DOCK6: variants seen among roughly 807,000 people sequenced by gnomAD.
DOCK6 encodes dedicator of cytokinesis 6.
In DOCK6, 167 loss-of-function variants were observed where a neutral mutation model predicts 230.3. The ratio of observed to expected loss-of-function variants is 0.73; its 90% CI spans 0.64 to 0.82. The LOEUF (loss-of-function observed/expected upper bound fraction) is 0.82, where lower values mean the gene tolerates loss of function less well. Among genes scored for constraint, DOCK6 ranks in the 40% least tolerant of loss-of-function variants. The probability of loss-of-function intolerance (pLI) is 0.00; values close to 1 mark genes in which losing one functional copy is unlikely to be tolerated. For missense variants in DOCK6, 2,598 were observed against 2,825.8 expected (o/e 0.92, Z 1.83); for synonymous variants, 1,148 against 1,185.0 (o/e 0.97, Z 0.64).
At chr19:11,224,632 T>G (rs1199552947) in intron 24 of DOCK6, among the ~76,000 whole-genome samples, 2 of 152,208 alleles carry the variant, frequency 1.3e-5, no homozygotes, top group Non-Finnish European at 2.9e-5. Flanking sequence ...GCAAAGGCCC[T>G]GAGGCAGGAT....
At chr19:11,251,204 G>T in intron 5 of DOCK6, 118 bp from the exon 6 acceptor site, 2 of 1,055,514 alleles carry the variant, frequency 1.9e-6, no homozygotes, top group Non-Finnish European at 2.8e-6. Flanking sequence ...AGGGGGTGAG[G>T]GTCATCACTC....
chr19:11,233,171 G>C (rs767463308), intron 22 of DOCK6, 32 bp downstream of exon 22: 1 of 1,606,866 alleles, frequency 6.2e-7, no homozygotes, highest in Non-Finnish European at 8.5e-7. Flanking sequence ...CAACCACTGA[G>C]GCTGGAGATT....
Position 11,236,685 on chromosome 19 carries a change from T to C in DOCK6, c.2160+108A>G, listed in dbSNP as rs2079853514. 1 of 1,512,100 alleles carries C rather than the reference T, an allele frequency of 6.6e-7. No individual in the cohort carries two copies. Among genetic ancestry groups the C allele is most frequent in the African/African-American group, 1.4e-5 (1 of 72,036 alleles). The allele number at this position is 1,512,100 out of a possible 1,614,324, so 93.7% of individuals were successfully genotyped here. A position where few individuals can be genotyped will look rare whatever the true frequency, so the allele number is the denominator to read the frequency against. On this transcript the variant is annotated intron_variant, in intron 19 of 47. Transcript: ENST00000294618. The surrounding 1 kb of genome is among the most constrained non-coding windows in gnomAD (Gnocchi z 5.2). ...CTGGGTCCAGCTGACCAAAGTCACG[T>C]CCAAGGCCTGAGGCCAGACCTCCCC...
rs1052304968 is a variant in DOCK6 at position 11,236,700 on chromosome 19, C to T, written c.2160+93G>A. Reference sequence around the variant, plus strand: ...CAAAGTCACGTCCAAGGCCTGAGGCCAGACCTCCCCGGCCATCGGCAACTG... The same window carrying T: ...CAAAGTCACGTCCAAGGCCTGAGGCTAGACCTCCCCGGCCATCGGCAACTG... On this transcript the variant is annotated intron_variant, in intron 19 of 47. Transcript: ENST00000294618. The surrounding 1 kb of genome is among the most constrained non-coding windows in gnomAD (Gnocchi z 5.2). The T allele has an allele frequency of 4.6e-6, 7 of 1,521,064 alleles. No individual in the cohort carries two copies. The highest frequency in any genetic ancestry group is 6.2e-6 in the Non-Finnish European group (7 of 1,121,214). 94.2% of individuals were successfully genotyped at this position (1,521,064 alleles called of 1,614,324 possible). A position where few individuals can be genotyped will look rare whatever the true frequency, so the allele number is the denominator to read the frequency against.
In DOCK6 at chr19:11,240,201, G is replaced by C. The variant is rs777745739; in HGVS notation, c.1643+1844C>G. The stretch of plus-strand genomic sequence containing the variant: ...TGAGGTGCTGGGGGAGGTGGCCCAG[G>C]CACAGAAGGTGCTACGGGACAGCGT... On this transcript the variant is annotated intron_variant, in intron 14 of 47. Coordinates refer to ENST00000294618, the MANE Select transcript of DOCK6 (RefSeq NM_020812.4). The C allele has an allele frequency of 5.1e-5, 80 of 1,559,042 alleles. No homozygotes were observed. In the Middle Eastern group the frequency reaches 5.2e-4, roughly 10 times the overall value.
Position 11,202,164 on chromosome 19 carries a change from G to C in DOCK6, c.5452-39C>G, listed in dbSNP as rs2079180602. On this transcript the variant is annotated intron_variant, in intron 43 of 47. Coordinates refer to ENST00000294618, the MANE Select transcript of DOCK6 (RefSeq NM_020812.4). The surrounding 1 kb of genome is among the most constrained non-coding windows in gnomAD (Gnocchi z 5.3). ...CAGGTGTGAGGATCCCACAGCCCCA[G>C]CACGCACAGCCCAAGCCCTGTTCCT... 1.3e-6 allele frequency: 2 copies of C among 1,593,458 alleles called. No homozygotes were observed. Among genetic ancestry groups the C allele is most frequent in the African/African-American group, 2.7e-5 (2 of 74,606 alleles).
At chr19:11,255,748 A>G (rs1247401028) in intron 1 of DOCK6, among the ~76,000 whole-genome samples, 2 of 151,456 alleles carry the variant, frequency 1.3e-5, no homozygotes, top group Non-Finnish European at 2.9e-5. Context: ...TTCAGGGCTT[A>G]CTCCCTTCTG....
Position 11,235,594 on chromosome 19 carries a change from T to G in DOCK6, c.2554+4A>C. The G allele has an allele frequency of 6.3e-7, 1 of 1,579,360 alleles. No homozygotes were observed. Among genetic ancestry groups the G allele is most frequent in the Non-Finnish European group, 8.6e-7 (1 of 1,158,168 alleles). On this transcript the variant is annotated splice_donor_region_variant and intron_variant, in intron 21 of 47. Transcript: ENST00000294618. ...TCGTCTCACAGGGATTTCTACAAAC[T>G]CACCATCCGGGAGGCTGGGCTCAGT...
rs1173521666 is a variant in DOCK6, at chr19:11,262,385, C to T, written c.44+12G>A. ...GTGGGGGAGGTGGGAGGGGGCCCCG[C>T]GGCCACACTACCTGTTGATCTTGTG... On this transcript the variant is annotated intron_variant, in intron 1 of 47. Transcript: ENST00000294618. The T allele has an allele frequency of 6.3e-6, 8 of 1,278,858 alleles. No individual in the cohort carries two copies. The highest frequency in any genetic ancestry group is 2.8e-5 in the South Asian group (1 of 35,670). 79.2% of individuals were successfully genotyped at this position (1,278,858 alleles called of 1,614,324 possible).
chr19:11,259,868 C>T (rs577936204), intron 1 of DOCK6, among the ~76,000 whole-genome samples: 17 of 141,680 alleles, frequency 1.2e-4, no homozygotes, highest in South Asian at 1.1e-3. Context: ...AGACCTGGGC[C>T]GCCGCGCCCG....
Position 11,237,694 on chromosome 19 carries a change from C to T in DOCK6, c.1918G>A (p.Val640Ile), listed in dbSNP as rs781358965. The change falls in exon 17 of 48, where the codon GTC becomes ATC. Residue 640 changes from valine (V) to isoleucine (I), a missense_variant. Coordinates refer to ENST00000294618, the MANE Select transcript of DOCK6 (RefSeq NM_020812.4). ...NHHLLFTFYH[V>I]SCQPRPGTAL... ...GTGCCCGGCCGGGGCTGGCAGCTGA[C>T]ATGGTAGAAGGTGAACAGCAGGTGA... The T allele has an allele frequency of 1.3e-6, 2 of 1,593,942 alleles. No homozygotes were observed. The highest frequency in any genetic ancestry group is 2.7e-5 in the African/African-American group (2 of 74,720).
intron 24 of DOCK6, 104 bp from the exon 25 acceptor site, chr19:11,223,210 C>G: frequency 9.8e-7 from 1 of 1,021,878 alleles, no homozygotes; most frequent in Non-Finnish European, 1.4e-6. Flanking sequence ...TGTATCACTG[C>G]CCCAAAGCCT....
Position 11,217,335 on chromosome 19 carries a change from C to T in DOCK6, c.3607G>A (p.Glu1203Lys), listed in dbSNP as rs751675629. 1.5e-5 allele frequency: 24 copies of T among 1,613,378 alleles called. No individual in the cohort carries two copies. The highest frequency in any genetic ancestry group is 1.3e-4 in the Admixed American group (8 of 59,938). ...TTGATGGTACCCGCAATGTCCCCTT[C>T]GCCTTCTGTGTCTGAGTCAAGCATT... is the stretch of plus-strand genomic sequence containing the variant. ...ASMLDSDTEGEGDIAGTINPS... is the reference protein window; with the variant it reads ...ASMLDSDTEGKGDIAGTINPS... The change falls in exon 29 of 48, where the codon GAA becomes AAA. Residue 1203 changes from glutamate (E) to lysine (K), a missense_variant. Glu to Lys is a moderately conservative substitution (Grantham distance 56). Coordinates refer to ENST00000294618, the MANE Select transcript of DOCK6 (RefSeq NM_020812.4).
intron 23 of DOCK6, among the ~76,000 whole-genome samples, chr19:11,228,438 T>C (rs2079705232): frequency 6.6e-6 from 1 of 152,060 alleles, no homozygotes; most frequent in South Asian, 2.1e-4. Flanking sequence ...TAAAGGTGGT[T>C]TCAGGTACAG....
intron 37 of DOCK6, among the ~76,000 whole-genome samples, chr19:11,209,592 T>C (rs1185891546): frequency 1.0e-4 from 10 of 97,270 alleles, no homozygotes; most frequent in Admixed American, 5.3e-4. Flanking sequence ...ATCCCTTCAC[T>C]TGTCTATCCC....
chr19:11,248,510 A>T (rs1450215885), intron 6 of DOCK6, among the ~76,000 whole-genome samples: 1 of 151,752 alleles, frequency 6.6e-6, no homozygotes, highest in Non-Finnish European at 1.5e-5. Context: ...TCCCAGGTTC[A>T]AGTGATTCTC....
At chr19:11,262,351 C>G in intron 1 of DOCK6, 46 bp downstream of exon 1, 1 of 1,217,822 alleles carries the variant, frequency 8.2e-7, no homozygotes. Flanking sequence ...CGGGGCGGAG[C>G]CGGGCCACGT....
At position 11,243,241 on chromosome 19, in the gene DOCK6, G is replaced by T. The variant is rs1051500630; in HGVS notation, c.1386+17C>A. On this transcript the variant is annotated intron_variant, in intron 12 of 47. Transcript: ENST00000294618. The surrounding 1 kb of genome is among the most constrained non-coding windows in gnomAD (Gnocchi z 6.3). The stretch of plus-strand genomic sequence containing the variant: ...CCAGCGGGGAGTGGGAGAGTCCCTG[G>T]CCCCAGGGTAGGACACCTGCTTAAA... The T allele has an allele frequency of 3.1e-6, 5 of 1,612,996 alleles. No homozygotes were observed. The African/African-American group carries it at 5.3e-5, about 17-fold the overall frequency.
chr19:11,236,508 T>G lies in DOCK6; in HGVS notation c.2230A>C (p.Lys744Gln). 6.2e-7 allele frequency: 1 copy of G among 1,604,630 alleles called. No individual in the cohort carries two copies. The highest frequency in any genetic ancestry group is 8.5e-7 in the Non-Finnish European group (1 of 1,176,024). The change falls in exon 20 of 48, where the codon AAG becomes CAG. Residue 744 changes from lysine to glutamine, a missense_variant. Lys to Gln is a moderately conservative substitution (Grantham distance 53). Transcript: ENST00000294618. This position sits in a 1 kb window ranked among gnomAD's most constrained non-coding sequence, Gnocchi z 5.2. ...LEEGAFPFRL[K>Q]DTVLSEGNVE... The stretch of plus-strand genomic sequence containing the variant: ...TTGCCCTCGCTCAGCACAGTGTCCT[T>G]GAGCCGGAATGGGAAGGCTCCCTCC...
Sources: allele counts gnomAD v4.1 joint callset (sites outside exome capture counted in the v4.1 genomes callset), GRCh38; gene constraint gnomAD v4.1.1; non-coding constraint Gnocchi (gnomAD v3.1); transcripts MANE v1.5; gene names NCBI Gene and HGNC (gene_info 2026-07-23, HGNC 2026-07-21).